The following ANKRD30A variants were observed in gnomAD, a reference collection of about 807,000 sequenced individuals.
ANKRD30A encodes the protein ankyrin repeat domain-containing protein 30A.
A neutral mutation model predicts 166.3 loss-of-function variants in ANKRD30A; 170 were observed. The ratio of observed to expected loss-of-function variants is 1.02; its 90% confidence interval spans 0.90 to 1.16. ANKRD30A has a LOEUF of 1.16. Ranked by LOEUF, ANKRD30A falls within the 50% of genes most tolerant of loss-of-function variation. The probability of loss-of-function intolerance (pLI) is 0.00; values close to 1 mark genes in which losing one functional copy is unlikely to be tolerated. For missense variants in ANKRD30A, 1,630 were observed against 1,518.0 expected (o/e 1.07, Z -1.23); for synonymous variants, 564 against 508.9 (o/e 1.11, Z -1.46).
At chr10:37,156,918 C>G (rs558077943) in intron 13 of ANKRD30A, among the ~76,000 whole-genome samples, 24 of 152,184 alleles carry the variant, frequency 1.6e-4, no homozygotes, top group African/African-American at 5.5e-4. Context: ...CATATTTAGC[C>G]TTAAAATGGT....
the ANKRD30A span, among the ~76,000 whole-genome samples, chr10:37,263,015 T>C: frequency 6.6e-6 from 1 of 152,164 alleles, no homozygotes; most frequent in Admixed American, 6.5e-5. Flanking sequence ...CCTTAAAATC[T>C]AATTCAACAA....
intron 29 of ANKRD30A, among the ~76,000 whole-genome samples, chr10:37,199,232 G>A (rs1451179251): frequency 1.3e-5 from 2 of 152,024 alleles, no homozygotes; most frequent in Non-Finnish European, 2.9e-5. Context: ...ATGTAAAAGG[G>A]TTGGACATAT....
rs1564585221 is a variant in ANKRD30A, at chr10:37,217,799, T to G, written c.3188T>G (p.Leu1063Ter). The G allele has an allele frequency of 6.2e-7, 1 of 1,600,220 alleles. No individual in the cohort carries two copies. Among genetic ancestry groups the G allele is most frequent in the Non-Finnish European group, 8.5e-7 (1 of 1,172,600 alleles). The change falls in exon 33 of 36, where the codon TTA becomes TGA. Residue 1063 changes from leucine (L) to a stop codon, truncating the protein, a stop_gained. Coordinates refer to ENST00000361713, the MANE Select transcript of ANKRD30A (RefSeq NM_052997.3). LOFTEE classifies it high-confidence loss of function. The stretch of plus-strand genomic sequence containing the variant: ...ATCGAAGAGCAGCATAGGAAAGAGT[T>G]AGAAGTGAAACAACAACTTGAACAG... ...GRIEEQHRKE[L>*]EVKQQLEQAL...
chr10:37,256,472 G>T, the ANKRD30A span, among the ~76,000 whole-genome samples: 1 of 152,136 alleles, frequency 6.6e-6, no homozygotes, highest in South Asian at 2.1e-4. Flanking sequence ...GTGTGGAACT[G>T]TTTATGAATA....
intron 28 of ANKRD30A, 33 bp from the exon 29 acceptor site, chr10:37,197,375 T>G: frequency 1.9e-6 from 3 of 1,612,778 alleles, no homozygotes; most frequent in Non-Finnish European, 2.5e-6. Flanking sequence ...GTATACATTC[T>G]TTATTAATCA....
chr10:37,260,046 A>G, the ANKRD30A span, among the ~76,000 whole-genome samples: 9 of 151,766 alleles, frequency 5.9e-5, no homozygotes, highest in Admixed American at 3.3e-4. Flanking sequence ...ATGCTTAACA[A>G]TTGTTATTGT....
At chr10:37,203,117 C>A (rs1404889677) in intron 31 of ANKRD30A, among the ~76,000 whole-genome samples, 1 of 152,136 alleles carries the variant, frequency 6.6e-6, no homozygotes, top group Non-Finnish European at 1.5e-5. Context: ...AAGAGGGAAT[C>A]CTCCCTAACT....
chr10:37,192,363 G>C lies in ANKRD30A; in HGVS notation c.2513-701G>C, dbSNP rs1256145826. ...CTGGCCTGTATTGGTTTGTTGATGG[G>C]TATGCTTGGACCTTTTTGTATAAGT... On this transcript the variant is annotated intron_variant, in intron 25 of 35. Transcript: ENST00000361713. 6.6e-5 allele frequency among the ~76,000 whole-genome samples: 10 copies of C among 152,006 alleles called. 1 individual carries two copies. Among genetic ancestry groups the C allele is most frequent in the Non-Finnish European group, 8.8e-5 (6 of 68,028 alleles).
In ANKRD30A at chr10:37,149,674, T is replaced by G; in HGVS notation, c.1567T>G (p.Phe523Val). The change falls in exon 10 of 36, where the codon TTC becomes GTC. Residue 523 changes from phenylalanine (F) to valine (V), a missense_variant. Coordinates refer to ENST00000361713, the MANE Select transcript of ANKRD30A (RefSeq NM_052997.3). Reference sequence around the variant, plus strand: ...AGAGCCTCCTAAGAAGCCATCTGCCTTCAAGGTATTTAGTTTTATTATTTC... The same window carrying G: ...AGAGCCTCCTAAGAAGCCATCTGCCGTCAAGGTATTTAGTTTTATTATTTC... ...VEEPPKKPSA[F>V]KPAIEMQNSV... 6.2e-7 allele frequency: 1 copy of G among 1,612,596 alleles called. No homozygotes were observed. Among genetic ancestry groups the G allele is most frequent in the Non-Finnish European group, 8.5e-7 (1 of 1,178,928 alleles).
intron 29 of ANKRD30A, 39 bp from the exon 30 acceptor site, chr10:37,199,688 A>C (rs1841462976): frequency 7.5e-7 from 1 of 1,338,894 alleles, no homozygotes; most frequent in African/African-American, 1.5e-5. Flanking sequence ...ATAGTAGAGA[A>C]ATGTTCTCAT....
intron 27 of ANKRD30A, among the ~76,000 whole-genome samples, chr10:37,196,008 G>A (rs2132674048): frequency 6.6e-6 from 1 of 151,538 alleles, no homozygotes; most frequent in South Asian, 2.1e-4. Context: ...ACTAAACAAA[G>A]AGAAAGGAAG....
chr10:37,193,014 G>C (rs372970908), intron 25 of ANKRD30A, 50 bp from the exon 26 acceptor site: 224 of 1,588,256 alleles, frequency 1.4e-4, no homozygotes, highest in Non-Finnish European at 1.8e-4. Flanking sequence ...TGTTCGGTAG[G>C]CTTTGTCAAG....
rs747852513 is a variant in ANKRD30A at position 37,162,839 on chromosome 10, T to C, written c.1993T>C (p.Leu665=). The change falls in exon 17 of 36, where the codon TTG becomes CTG. Residue 665 remains leucine, a synonymous_variant. Coordinates refer to ENST00000361713, the MANE Select transcript of ANKRD30A (RefSeq NM_052997.3). ...KALELKNEQT[L]RADEILPSES... ...CTTGGAATTGAAAAATGAACAAACA[T>C]TGAGAGCAGGTAAATTTTTCAATGT... 13 of 1,613,300 alleles carry C rather than the reference T, an allele frequency of 8.1e-6. No individual in the cohort carries two copies. The highest frequency in any genetic ancestry group is 1.0e-5 in the Non-Finnish European group (12 of 1,179,670).
Position 37,125,829 on chromosome 10 carries a change from C to G in ANKRD30A, c.42C>G (p.Gly14=). 1.1e-6 allele frequency: 1 copy of G among 943,024 alleles called. No homozygotes were observed. Among genetic ancestry groups the G allele is most frequent in the Non-Finnish European group, 1.6e-6 (1 of 612,328 alleles). 58.4% of individuals were successfully genotyped at this position (943,024 alleles called of 1,614,324 possible). A position where few individuals can be genotyped will look rare whatever the true frequency, so the allele number is the denominator to read the frequency against. The stretch of plus-strand genomic sequence containing the variant: ...CCGCCGCTGTCAAGGTCGTGCCGGG[C>G]CCGGAGCGCCCGAGCCCTTTCAGCC... ...ISAAAVKVVP[G]PERPSPFSQL... Residue 14 remains glycine (G), a synonymous_variant, in exon 1 of 36, where the codon GGC becomes GGG. Coordinates refer to ENST00000361713, the MANE Select transcript of ANKRD30A (RefSeq NM_052997.3).
intron 32 of ANKRD30A, 114 bp from the exon 33 acceptor site, chr10:37,217,581 T>G: frequency 1.2e-6 from 1 of 838,196 alleles, no homozygotes; most frequent in Non-Finnish European, 1.7e-6. Flanking sequence ...AGAAAAAAAT[T>G]CAAGAATATA....
rs2132693343 is a variant in ANKRD30A at position 37,201,271 on chromosome 10, G to T, written c.2815G>T (p.Val939Leu). ...GACTGTTTCACAGAAGGATGTGTGT[G>T]TACCCAAGGCTACACATCAAAAAGA... is the stretch of plus-strand genomic sequence containing the variant. ...RETVSQKDVCVPKATHQKEMD... is the reference protein window; with the variant it reads ...RETVSQKDVCLPKATHQKEMD... Residue 939 changes from valine (V) to leucine (L), a missense_variant, in exon 31 of 36, where the codon GTA becomes TTA. By Grantham distance (32) the Val-to-Leu change is conservative. Around this residue, in one of 4 missense-constraint regions of ANKRD30A, gnomAD observed 712 missense variants for 629.3 expected, o/e 1.13. Transcript: ENST00000361713. 5.0e-6 allele frequency: 8 copies of T among 1,594,428 alleles called. No homozygotes were observed. Among genetic ancestry groups the T allele is most frequent in the South Asian group, 3.4e-5 (3 of 87,712 alleles).
intron 24 of ANKRD30A, among the ~76,000 whole-genome samples, chr10:37,178,809 AG>A (rs1299575102): frequency 6.6e-6 from 1 of 150,826 alleles, no homozygotes; most frequent in Non-Finnish European, 1.5e-5. Flanking sequence ...GGCAGGAAGC[AG>A]GGGACAAGAG....
intron 24 of ANKRD30A, among the ~76,000 whole-genome samples, chr10:37,178,768 G>C (rs1839933474): frequency 8.8e-6 from 1 of 113,588 alleles, no homozygotes; most frequent in African/African-American, 3.3e-5. Context: ...CAAGTCTAGT[G>C]ATTATTTTTG....
intron 27 of ANKRD30A, among the ~76,000 whole-genome samples, chr10:37,193,465 A>G (rs1476125047): frequency 2.6e-5 from 4 of 152,018 alleles, no homozygotes; most frequent in Non-Finnish European, 5.9e-5. Flanking sequence ...ATTCTGCTTT[A>G]CCTCATGTGG....
Sources: gnomAD v4.1 joint callset for allele counts (sites outside exome capture counted in the v4.1 genomes callset) on GRCh38, gnomAD v4.1.1 for gene constraint, gnomAD v4.1.1 regional missense constraint, MANE v1.5 for transcripts, NCBI Gene and HGNC (gene_info 2026-07-23, HGNC 2026-07-21) for gene names.